COL22A1: variants seen among roughly 807,000 people sequenced by gnomAD.
COL22A1 encodes collagen alpha-1(XXII) chain.
A neutral mutation model predicts 248.9 loss-of-function variants in COL22A1; 221 were observed. The ratio of observed to expected loss-of-function variants is 0.89; its 90% confidence interval spans 0.80 to 0.99. The LOEUF (loss-of-function observed/expected upper bound fraction) is 0.99. Ranked by LOEUF, COL22A1 falls within the 50% of genes least tolerant of loss-of-function variation. The pLI is 0.00. For synonymous variants in COL22A1, 891 were observed against 793.4 expected (o/e 1.12, Z -2.07); for missense variants, 2,240 against 2,179.0 (o/e 1.03, Z -0.56).
At chr8:138,742,040 TTGATGG>T (rs972373412) in intron 22 of COL22A1, among the ~76,000 whole-genome samples, 9 of 120,806 alleles carry the variant, frequency 7.4e-5, no homozygotes, top group Admixed American at 5.8e-4. Context: ...GATGGTGGAG[TTGATGG>T]TGATGGTGAT....
chr8:138,627,360 T>C (rs1451118001), intron 50 of COL22A1, among the ~76,000 whole-genome samples: 1 of 152,238 alleles, frequency 6.6e-6, no homozygotes, highest in Non-Finnish European at 1.5e-5. Context: ...ATCAGAACAC[T>C]GTCACACCCA....
intron 3 of COL22A1, among the ~76,000 whole-genome samples, chr8:138,861,768 A>G (rs1410576008): frequency 6.6e-6 from 1 of 152,220 alleles, no homozygotes; most frequent in African/African-American, 2.4e-5. Context: ...AGCACAGTAA[A>G]GCAGTACTCC....
chr8:138,818,098 C>A (rs892104890), intron 7 of COL22A1, among the ~76,000 whole-genome samples: 2 of 152,194 alleles, frequency 1.3e-5, no homozygotes, highest in African/African-American at 4.8e-5. Context: ...AGGATCTAAT[C>A]TTGCTCTATA....
At chr8:138,881,912 C>T (rs868840687) in intron 2 of COL22A1, among the ~76,000 whole-genome samples, 1 of 152,146 alleles carries the variant, frequency 6.6e-6, no homozygotes, top group Non-Finnish European at 1.5e-5. Flanking sequence ...GGCAGGGGCC[C>T]TCATACAGGT....
intron 9 of COL22A1, among the ~76,000 whole-genome samples, chr8:138,811,334 CACGTACATACACATATATACACACAT>C (rs1818205679): frequency 1.4e-5 from 2 of 137,964 alleles, no homozygotes; most frequent in African/African-American, 5.3e-5. Flanking sequence ...TATATACACA[CACGTACATACACATATATACACACAT>C]ATATATATAT....
chr8:138,742,828 G>T (rs529859825), intron 22 of COL22A1, among the ~76,000 whole-genome samples: 29 of 148,394 alleles, frequency 2.0e-4, no homozygotes, highest in African/African-American at 7.3e-4. Flanking sequence ...AGTTGATGAT[G>T]ATGGTAGTAG....
rs55848786 is a variant in COL22A1 at position 138,598,561 on chromosome 8, G to A, written c.4365+158C>T. 8.1e-4 allele frequency among the ~76,000 whole-genome samples: 124 copies of A among 152,308 alleles called. No individual in the cohort carries two copies. In the Middle Eastern group the frequency reaches 0.014, roughly 17 times the overall value. On this transcript the variant is annotated intron_variant, in intron 61 of 64. Coordinates refer to ENST00000303045, the MANE Select transcript of COL22A1 (RefSeq NM_152888.3). ...TTTTCCCTTTTTGCAGACAAGGAACGGCAGATTCAGAGAGGAAAAGTAGCC... is the reference window on the plus strand; with the variant it reads ...TTTTCCCTTTTTGCAGACAAGGAACAGCAGATTCAGAGAGGAAAAGTAGCC...
At chr8:138,674,798 C>T (rs1277303843) in intron 41 of COL22A1, among the ~76,000 whole-genome samples, 1 of 152,070 alleles carries the variant, frequency 6.6e-6, no homozygotes. Context: ...TGCTAAGGAG[C>T]GAGTGCCACA....
chr8:138,893,838 A>G (rs1018064139), intron 1 of COL22A1, among the ~76,000 whole-genome samples: 4 of 152,208 alleles, frequency 2.6e-5, no homozygotes, highest in Admixed American at 2.6e-4. Flanking sequence ...AAATGCTTAT[A>G]TTTCCATATG....
chr8:138,832,831 C>G (rs371733485), intron 5 of COL22A1, among the ~76,000 whole-genome samples: 54 of 152,318 alleles, frequency 3.5e-4, no homozygotes, highest in African/African-American at 1.2e-3. Context: ...ATCAGAGAAC[C>G]AATGAAGTCA....
chr8:138,861,421 T>C (rs1822445110), intron 3 of COL22A1, among the ~76,000 whole-genome samples: 1 of 152,160 alleles, frequency 6.6e-6, no homozygotes, highest in South Asian at 2.1e-4. Flanking sequence ...TATCCACCAG[T>C]TATCCACCCC....
At chr8:138,699,157 G>T (rs777010547) in intron 32 of COL22A1, among the ~76,000 whole-genome samples, 1 of 152,050 alleles carries the variant, frequency 6.6e-6, no homozygotes, top group Non-Finnish European at 1.5e-5. Flanking sequence ...TCCCGCAGAC[G>T]CCTCTCACCC....
chr8:138,802,756 G>A (rs1817108419), intron 11 of COL22A1, 116 bp downstream of exon 11: 1 of 804,460 alleles, frequency 1.2e-6, no homozygotes, highest in Non-Finnish European at 2.2e-6. Flanking sequence ...TGGGAGTAGT[G>A]CCTGGCCCCT....
chr8:138,673,076 G>A (rs775717088), intron 41 of COL22A1, among the ~76,000 whole-genome samples: 1 of 152,204 alleles, frequency 6.6e-6, no homozygotes, highest in African/African-American at 2.4e-5. Context: ...CCCCTGCCTG[G>A]TGACAGTGCA....
At chr8:138,589,482 C>T in intron 64 of COL22A1, 42 bp from the exon 65 acceptor site, 1 of 1,436,420 alleles carries the variant, frequency 7.0e-7, no homozygotes. Flanking sequence ...GTTCAAGATC[C>T]TTCTGGGAGG....
chr8:138,727,885 C>T (rs1445817139), intron 23 of COL22A1, among the ~76,000 whole-genome samples: 1 of 152,100 alleles, frequency 6.6e-6, no homozygotes, highest in Admixed American at 6.5e-5. Context: ...AGAAGCCTCC[C>T]GGCCTTGCTG....
intron 34 of COL22A1, 151 bp from the exon 35 acceptor site, chr8:138,693,850 A>G (rs1827278318): frequency 3.9e-6 from 3 of 773,692 alleles, no homozygotes; most frequent in African/African-American, 1.7e-5. Context: ...GGTGAAGAAA[A>G]TCACTACTTT....
chr8:138,658,198 A>G (rs368716324), intron 44 of COL22A1, among the ~76,000 whole-genome samples: 4 of 152,246 alleles, frequency 2.6e-5, no homozygotes, highest in South Asian at 4.2e-4. Flanking sequence ...GAACTGTGTA[A>G]TTAATAATTA....
At chr8:138,794,643 G>A (rs1816344093) in intron 12 of COL22A1, among the ~76,000 whole-genome samples, 1 of 152,012 alleles carries the variant, frequency 6.6e-6, no homozygotes, top group Non-Finnish European at 1.5e-5. Context: ...ATCAGTGGAT[G>A]GATGGAAAAA....
Sources: allele counts gnomAD v4.1 joint callset (sites outside exome capture counted in the v4.1 genomes callset), GRCh38; gene constraint gnomAD v4.1.1; transcripts MANE v1.5; gene names NCBI Gene and HGNC (gene_info 2026-07-23, HGNC 2026-07-21).